KDM3B: variants seen among roughly 807,000 people sequenced by gnomAD.
KDM3B encodes lysine-specific demethylase 3B.
A neutral mutation model predicts 170.0 loss-of-function variants in KDM3B; 10 were observed. The ratio of observed to expected loss-of-function variants is 0.06; its 90% confidence interval spans 0.04 to 0.10. KDM3B has a LOEUF of 0.10. Ranked by LOEUF, KDM3B falls within the 10% of genes least tolerant of loss-of-function variation. The pLI, the probability that KDM3B is intolerant of heterozygous loss-of-function variation, is 1.00. For missense variants in KDM3B, 1,394 were observed against 2,195.2 expected (o/e 0.64, Z 7.29); for synonymous variants, 831 against 834.8 (o/e 1.00, Z 0.08).
chr5:138,415,215 C>G lies in KDM3B; in HGVS notation c.3283C>G (p.Pro1095Ala), dbSNP rs1763071880. 1 of 1,606,004 alleles carries G rather than the reference C, an allele frequency of 6.2e-7. No individual in the cohort carries two copies. The highest frequency in any genetic ancestry group is 1.3e-5 in the African/African-American group (1 of 74,788). ...GQSHEPENLM[P>A]TQIIPGTALY... Reference sequence around the variant, plus strand: ...GTCCCACGAACCAGAGAATCTCATGCCCACACAAATTATTCCTGGCACAGG... The same window carrying G: ...GTCCCACGAACCAGAGAATCTCATGGCCACACAAATTATTCCTGGCACAGG... Residue 1095 changes from proline (P) to alanine (A), a missense_variant, in exon 12 of 24, where the codon CCC becomes GCC. By Grantham distance (27) the Pro-to-Ala change is conservative. This residue lies in a region of KDM3B where 44 missense variants were observed against 71.1 expected (regional missense o/e 0.62). Coordinates refer to ENST00000314358, the MANE Select transcript of KDM3B (RefSeq NM_016604.4).
In KDM3B at chr5:138,431,440, A is replaced by T; in HGVS notation, c.5086A>T (p.Ser1696Cys). ...CCCTTCTCAGGTTCACAATCTATACAGTTGCATAAAAGTAGCAGAAGACTT... is the reference window on the plus strand; with the variant it reads ...CCCTTCTCAGGTTCACAATCTATACTGTTGCATAAAAGTAGCAGAAGACTT... ...GAPHQVHNLY[S>C]CIKVAEDFVS... Residue 1696 changes from serine to cysteine, a missense_variant, in exon 23 of 24, where the codon AGT (serine) becomes TGT (cysteine). By Grantham distance (112) the Ser-to-Cys change is moderately radical. This residue lies in a region of KDM3B where 79 missense variants were observed against 270.5 expected (regional missense o/e 0.29). Coordinates refer to ENST00000314358, the MANE Select transcript of KDM3B (RefSeq NM_016604.4). 1 of 1,609,514 alleles carries T rather than the reference A, an allele frequency of 6.2e-7. No individual in the cohort carries two copies. The highest frequency in any genetic ancestry group is 8.5e-7 in the Non-Finnish European group (1 of 1,178,116).
In KDM3B at chr5:138,372,653, AC is replaced by A; in HGVS notation, c.193-20del. The A allele has an allele frequency of 6.2e-7, 1 of 1,601,724 alleles. No individual in the cohort carries two copies. The highest frequency in any genetic ancestry group is 2.2e-5 in the East Asian group (1 of 44,562). On this transcript the variant is annotated intron_variant, in intron 1 of 23. Transcript: ENST00000314358. Reference sequence around the variant, plus strand: ...AGATTTTTCCAAGTGTGACTTCCAAACTGCTTTTTATCTCTTGCAGATCTTT... The same window carrying A: ...AGATTTTTCCAAGTGTGACTTCCAAATGCTTTTTATCTCTTGCAGATCTTT...
chr5:138,428,699 G>T (rs1561797289), intron 20 of KDM3B, among the ~76,000 whole-genome samples: 1 of 152,098 alleles, frequency 6.6e-6, no homozygotes, highest in Non-Finnish European at 1.5e-5. Context: ...GCCTCACAAA[G>T]AGAAATGAAG....
intron 6 of KDM3B, among the ~76,000 whole-genome samples, chr5:138,382,610 C>T (rs1013933448): frequency 2.6e-5 from 4 of 152,132 alleles, no homozygotes; most frequent in Non-Finnish European, 5.9e-5. Context: ...TATAGTCTTT[C>T]CTCATCTTTA....
Position 138,412,966 on chromosome 5 carries a change from A to C in KDM3B, c.3200-2166A>C, listed in dbSNP as rs780157848. ...TAGTTTTAAAAAGGTTTGAACAGAT[A>C]CGTCACCAAAAAATATAGTCGATGG... On this transcript the variant is annotated intron_variant, in intron 11 of 23. Coordinates refer to ENST00000314358, the MANE Select transcript of KDM3B (RefSeq NM_016604.4). Among the ~76,000 whole-genome samples, 54 of 152,234 alleles carry C rather than the reference A, an allele frequency of 3.5e-4. 1 individual carries two copies. Among genetic ancestry groups the C allele is most frequent in the Admixed American group, 2.6e-4 (4 of 15,280 alleles).
At chr5:138,358,421 C>T (rs1262965244) in intron 1 of KDM3B, among the ~76,000 whole-genome samples, 1 of 149,750 alleles carries the variant, frequency 6.7e-6, no homozygotes, top group Non-Finnish European at 1.5e-5. Flanking sequence ...TCTCCTGCCT[C>T]CAGTCCCAGT....
intron 7 of KDM3B, among the ~76,000 whole-genome samples, chr5:138,389,543 ACTAT>A (rs910416473): frequency 1.3e-5 from 2 of 152,166 alleles, no homozygotes; most frequent in African/African-American, 2.4e-5. Context: ...AACTATGAAG[ACTAT>A]CTAGATCCAG....
At chr5:138,431,120 G>GT (rs149252278) in intron 22 of KDM3B, among the ~76,000 whole-genome samples, 4,671 of 148,576 alleles carry the variant, frequency 0.031, 167 homozygotes, top group Admixed American at 0.1. Context: ...CTTTTTTTTT[G>GT]TTTTTTTGGT....
chr5:138,369,218 A>T (rs776624042), intron 1 of KDM3B, among the ~76,000 whole-genome samples: 1 of 152,042 alleles, frequency 6.6e-6, no homozygotes, highest in Non-Finnish European at 1.5e-5. Flanking sequence ...ACTGCTTTTC[A>T]TGGTTTGCAA....
intron 1 of KDM3B, among the ~76,000 whole-genome samples, chr5:138,365,301 C>T (rs915745834): frequency 6.6e-6 from 1 of 152,042 alleles, no homozygotes; most frequent in Non-Finnish European, 1.5e-5. Context: ...GCTCTTGTCT[C>T]CCAGCCTGGA....
intron 1 of KDM3B, among the ~76,000 whole-genome samples, chr5:138,366,772 CA>C (rs1761755856): frequency 6.6e-6 from 1 of 152,142 alleles, no homozygotes; most frequent in African/African-American, 2.4e-5. Flanking sequence ...GGTGACAGAC[CA>C]AAAGATATAG....
At chr5:138,401,782 T>G (rs1762700125) in intron 11 of KDM3B, among the ~76,000 whole-genome samples, 1 of 152,190 alleles carries the variant, frequency 6.6e-6, no homozygotes, top group Non-Finnish European at 1.5e-5. Flanking sequence ...TTGCCAACAC[T>G]TGTCCTTTGT....
intron 11 of KDM3B, among the ~76,000 whole-genome samples, chr5:138,404,426 G>C (rs947993561): frequency 2.6e-5 from 4 of 152,108 alleles, no homozygotes; most frequent in African/African-American, 9.7e-5. Context: ...TCGGGAGTTC[G>C]AGACCAACCT....
At chr5:138,395,623 ATTT>A (rs897113919) in intron 9 of KDM3B, among the ~76,000 whole-genome samples, 2 of 148,712 alleles carry the variant, frequency 1.3e-5, no homozygotes, top group African/African-American at 4.9e-5. Flanking sequence ...AATAATAATA[ATTT>A]TTTTTTTTGA....
rs367949992 is a variant in KDM3B at position 138,375,076 on chromosome 5, G to C, written c.361-17G>C. ...ATTCCCAAGTTCTAATCAATTTCTT[G>C]TCATTGTACTTCACAGACTTTTACT... On this transcript the variant is annotated splice_polypyrimidine_tract_variant and intron_variant, in intron 2 of 23. Coordinates refer to ENST00000314358, the MANE Select transcript of KDM3B (RefSeq NM_016604.4). 4.4e-6 allele frequency: 6 copies of C among 1,360,136 alleles called. No homozygotes were observed. The African/African-American group carries it at 7.2e-5, about 16-fold the overall frequency. The allele number at this position is 1,360,136 out of a possible 1,614,324, so 84.3% of individuals were successfully genotyped here.
chr5:138,385,445 A>G (rs530033206), intron 6 of KDM3B, among the ~76,000 whole-genome samples: 73 of 152,242 alleles, frequency 4.8e-4, no homozygotes, highest in Non-Finnish European at 9.4e-4. Flanking sequence ...GTTGGCCAGG[A>G]TGGTCTCAAT....
Position 138,379,640 on chromosome 5 carries a change from G to C in KDM3B, c.637G>C (p.Gly213Arg), listed in dbSNP as rs1024341103. ...AATATATCAGCCAGAGGGGGAAGAAGGGTGGCTCTATGGTGTTGTGAGCCA... is the reference window on the plus strand; with the variant it reads ...AATATATCAGCCAGAGGGGGAAGAACGGTGGCTCTATGGTGTTGTGAGCCA... ...VKIYQPEGEE[G>R]WLYGVVSHQD... The change falls in exon 5 of 24, where the codon GGG becomes CGG. Residue 213 changes from glycine (G) to arginine (R), a missense_variant. Coordinates refer to ENST00000314358, the MANE Select transcript of KDM3B (RefSeq NM_016604.4). The C allele has an allele frequency of 6.2e-7, 1 of 1,613,452 alleles. No individual in the cohort carries two copies. The highest frequency in any genetic ancestry group is 2.2e-5 in the East Asian group (1 of 44,844).
Position 138,398,409 on chromosome 5 carries a change from C to G in KDM3B, c.3046+17C>G, listed in dbSNP as rs754658313. ...AGCCACACCGTAAGTCACCTTCTCA[C>G]TTGTCTTCCAGGTGCTCCTAGTGAA... On this transcript the variant is annotated intron_variant, in intron 10 of 23. Coordinates refer to ENST00000314358, the MANE Select transcript of KDM3B (RefSeq NM_016604.4). The G allele has an allele frequency of 1.2e-4, 187 of 1,607,890 alleles. No individual in the cohort carries two copies. Among genetic ancestry groups the G allele is most frequent in the Non-Finnish European group, 1.4e-4 (166 of 1,175,408 alleles).
chr5:138,413,488 A>G (rs1763026714), intron 11 of KDM3B, among the ~76,000 whole-genome samples: 1 of 152,198 alleles, frequency 6.6e-6, no homozygotes, highest in Non-Finnish European at 1.5e-5. Flanking sequence ...ATCACTTTGG[A>G]AAGCAAGAAG....
Sources: allele counts gnomAD v4.1 joint callset (sites outside exome capture counted in the v4.1 genomes callset), GRCh38; gene constraint gnomAD v4.1.1; regional missense constraint gnomAD v4.1.1; transcripts MANE v1.5; gene names NCBI Gene and HGNC (gene_info 2026-07-23, HGNC 2026-07-21).